Variants in TTC39C observed in about 807,000 individuals in gnomAD.
The protein encoded by TTC39C is tetratricopeptide repeat protein 39C.
Under a neutral mutation model 76.3 loss-of-function variants are expected in TTC39C, and 33 were observed. The ratio of observed to expected loss-of-function variants is 0.43; its 90% CI spans 0.33 to 0.58. TTC39C has a LOEUF of 0.58. TTC39C is among the 20% of genes least tolerant of loss of function. The pLI is 0.04. For synonymous variants in TTC39C, 254 were observed against 260.6 expected (o/e 0.97, Z 0.24); for missense variants, 595 against 701.4 (o/e 0.85, Z 1.71).
At chr18:24,129,021 T>C (rs1032775075) in intron 11 of TTC39C, 38 bp downstream of exon 11, 1 of 1,532,614 alleles carries the variant, frequency 6.5e-7, no homozygotes, top group Non-Finnish European at 9.0e-7. Flanking sequence ...AGAAAATAAG[T>C]CACGAACACC....
At chr18:24,100,382 G>A (rs1385456369) in intron 6 of TTC39C, among the ~76,000 whole-genome samples, 1 of 152,208 alleles carries the variant, frequency 6.6e-6, no homozygotes, top group East Asian at 1.9e-4. Context: ...CCTCCACTCT[G>A]GCCGAGTGAC....
chr18:24,015,492 C>T (rs1373268415), intron 1 of TTC39C, among the ~76,000 whole-genome samples: 1 of 152,276 alleles, frequency 6.6e-6, no homozygotes, highest in East Asian at 1.9e-4. Context: ...GCCTGCTCCT[C>T]GCGCCTCGCA....
chr18:24,100,944 A>C (rs1019994093), intron 6 of TTC39C, among the ~76,000 whole-genome samples: 3 of 152,158 alleles, frequency 2.0e-5, no homozygotes, highest in African/African-American at 7.2e-5. Context: ...ATATCCTGGG[A>C]CTTCTCCCAG....
chr18:24,029,113 TTTTG>T (rs545297222), intron 1 of TTC39C, among the ~76,000 whole-genome samples: 2,230 of 17,864 alleles, frequency 0.12, 40 homozygotes, highest in East Asian at 0.38. Context: ...TTGTTGTTGT[TTTTG>T]TGTGAGACGG....
chr18:24,061,602 A>AG (rs1355020523), intron 1 of TTC39C, among the ~76,000 whole-genome samples: 101 of 149,986 alleles, frequency 6.7e-4, no homozygotes, highest in African/African-American at 2.3e-3. Context: ...GTAAAAAAAA[A>AG]AAAAAAAAAA....
chr18:24,088,620 G>A (rs2084476276), intron 6 of TTC39C, among the ~76,000 whole-genome samples: 1 of 152,166 alleles, frequency 6.6e-6, no homozygotes. Context: ...AGCCCTCTCT[G>A]CCCGTCCACC....
At chr18:24,009,192 A>G in intron 1 of TTC39C, among the ~76,000 whole-genome samples, 1 of 152,224 alleles carries the variant, frequency 6.6e-6, no homozygotes, top group Non-Finnish European at 1.5e-5. Context: ...ATGTACCTCC[A>G]AACCTAAAAT....
At chr18:24,110,583 G>A (rs896931461) in intron 6 of TTC39C, among the ~76,000 whole-genome samples, 1 of 152,008 alleles carries the variant, frequency 6.6e-6, no homozygotes, top group African/African-American at 2.4e-5. Flanking sequence ...CCCACATACC[G>A]GCAACACTCA....
intron 1 of TTC39C, among the ~76,000 whole-genome samples, chr18:24,060,098 A>G (rs1372384364): frequency 1.3e-5 from 2 of 152,194 alleles, no homozygotes; most frequent in Non-Finnish European, 2.9e-5. Context: ...GGACACAGCC[A>G]AACCATATCA....
chr18:24,074,113 G>GTAAA (rs1238191213), intron 4 of TTC39C, among the ~76,000 whole-genome samples: 1 of 152,318 alleles, frequency 6.6e-6, no homozygotes, highest in East Asian at 1.9e-4. Flanking sequence ...AAATAAGTAA[G>GTAAA]TAAATAAATT....
intron 1 of TTC39C, among the ~76,000 whole-genome samples, chr18:24,051,777 G>C (rs2083952769): frequency 6.6e-6 from 1 of 152,246 alleles, no homozygotes; most frequent in South Asian, 2.1e-4. Context: ...ACAGGTTCAG[G>C]TGATGAAGGT....
intron 1 of TTC39C, among the ~76,000 whole-genome samples, chr18:24,059,999 T>TC (rs1189206058): frequency 4.0e-5 from 6 of 151,746 alleles, no homozygotes. Context: ...TTCATTACCA[T>TC]CCCCCCATGA....
At chr18:24,097,966 A>T (rs1057304279) in intron 6 of TTC39C, among the ~76,000 whole-genome samples, 1 of 152,200 alleles carries the variant, frequency 6.6e-6, no homozygotes, top group African/African-American at 2.4e-5. Context: ...TTTGAAATTC[A>T]TGCATAGTTT....
At chr18:24,001,971 G>T (rs1323651730) in intron 1 of TTC39C, among the ~76,000 whole-genome samples, 2 of 151,974 alleles carry the variant, frequency 1.3e-5, no homozygotes, top group South Asian at 2.1e-4. Context: ...GACTACAGGC[G>T]CCCGCCACCA....
chr18:24,028,106 A>T (rs1183880816), intron 1 of TTC39C, among the ~76,000 whole-genome samples: 2 of 152,174 alleles, frequency 1.3e-5, no homozygotes, highest in African/African-American at 4.8e-5. Context: ...AAAATTACAA[A>T]TGGAGCTAGA....
At chr18:24,049,283 C>T (rs1346919118) in intron 1 of TTC39C, among the ~76,000 whole-genome samples, 1 of 152,152 alleles carries the variant, frequency 6.6e-6, no homozygotes, top group Non-Finnish European at 1.5e-5. Flanking sequence ...TAACTTCATT[C>T]AATAAATAGT....
At chr18:24,085,190 A>C (rs1045095997) in intron 6 of TTC39C, among the ~76,000 whole-genome samples, 3 of 152,120 alleles carry the variant, frequency 2.0e-5, no homozygotes, top group Non-Finnish European at 4.4e-5. Flanking sequence ...TGAGAGATTT[A>C]CCTCGGTCAT....
intron 6 of TTC39C, among the ~76,000 whole-genome samples, chr18:24,110,205 A>G (rs1005597074): frequency 6.6e-6 from 1 of 152,242 alleles, no homozygotes; most frequent in African/African-American, 2.4e-5. Flanking sequence ...ATGGTATTTA[A>G]TAAAATGTAC....
At chr18:24,094,857 T>A (rs1289351863) in intron 6 of TTC39C, among the ~76,000 whole-genome samples, 1 of 152,200 alleles carries the variant, frequency 6.6e-6, no homozygotes, top group Non-Finnish European at 1.5e-5. Flanking sequence ...GCCCTATGAT[T>A]TTCAAAATGT....
Sources: allele counts gnomAD v4.1 joint callset (sites outside exome capture counted in the v4.1 genomes callset), GRCh38; gene constraint gnomAD v4.1.1; transcripts MANE v1.5; gene names NCBI Gene and HGNC (gene_info 2026-07-23, HGNC 2026-07-21).